The following EPS8L2 variants were observed in gnomAD, a reference collection of about 807,000 sequenced individuals.
EPS8L2 encodes epidermal growth factor receptor kinase substrate 8-like protein 2.
EPS8L2 carries 81 observed loss-of-function variants against 99.4 expected under a neutral mutation model. The observed-to-expected ratio is 0.82, with a 90% CI of 0.68 to 0.98. EPS8L2 has a LOEUF of 0.98. Ranked by LOEUF, EPS8L2 falls within the 50% of genes least tolerant of loss-of-function variation. EPS8L2 has a pLI of 0.00. For synonymous variants in EPS8L2, 509 were observed against 407.3 expected (o/e 1.25, Z -3.01); for missense variants, 1,155 against 968.8 (o/e 1.19, Z -2.55).
intron 16 of EPS8L2, among the ~76,000 whole-genome samples, chr11:725,527 C>T (rs1258351382): frequency 6.6e-6 from 1 of 152,090 alleles, no homozygotes; most frequent in Non-Finnish European, 1.5e-5. Context: ...AAAAAGGGTC[C>T]CCCAGACTCC....
chr11:709,852 G>A lies in EPS8L2; in HGVS notation c.100+244G>A, dbSNP rs532963561. The A allele has an allele frequency of 7.0e-4, 413 of 588,936 alleles. 7 individuals carry two copies. In the South Asian group the frequency reaches 7.5e-3, roughly 11 times the overall value. 36.5% of individuals were successfully genotyped at this position (588,936 alleles called of 1,614,324 possible). A position where few individuals can be genotyped will look rare whatever the true frequency, so the allele number is the denominator to read the frequency against. Reference sequence around the variant, plus strand: ...TTCAGGGAGCATCAATATTGATTCCGCTGCACTCATTGCTGTAACCTGATC... The same window carrying A: ...TTCAGGGAGCATCAATATTGATTCCACTGCACTCATTGCTGTAACCTGATC... On this transcript the variant is annotated intron_variant, in intron 3 of 20. Transcript: ENST00000318562.
chr11:720,592 C>G lies in EPS8L2; in HGVS notation c.328-5C>G. The G allele has an allele frequency of 6.3e-7, 1 of 1,598,016 alleles. No homozygotes were observed. The highest frequency in any genetic ancestry group is 8.5e-7 in the Non-Finnish European group (1 of 1,174,158). On this transcript the variant is annotated splice_region_variant and splice_polypyrimidine_tract_variant and intron_variant, in intron 5 of 20. Coordinates refer to ENST00000318562, the MANE Select transcript of EPS8L2 (RefSeq NM_022772.4). ...GCGAGTCGTGTCCGCGCGATGTACC[C>G]GCAGGAGGAGCTGGAAGACTTCCCG...
Position 720,861 on chromosome 11 carries a change from C to T in EPS8L2, c.509C>T (p.Ala170Val). 6.7e-7 allele frequency: 1 copy of T among 1,495,948 alleles called. No homozygotes were observed. Among genetic ancestry groups the T allele is most frequent in the Non-Finnish European group, 8.9e-7 (1 of 1,118,172 alleles). 92.7% of individuals were successfully genotyped at this position (1,495,948 alleles called of 1,614,324 possible). ...AELVHEDIES[A>V]LADCRLGKKM... Reference sequence around the variant, plus strand: ...CTGGTGCACGAGGACATCGAGAGCGCGTTGGCCGACTGCCGGCTGGGCAAG... The same window carrying T: ...CTGGTGCACGAGGACATCGAGAGCGTGTTGGCCGACTGCCGGCTGGGCAAG... The change falls in exon 7 of 21, where the codon GCG (alanine) becomes GTG (valine). Residue 170 changes from alanine (A) to valine (V), a missense_variant. Ala to Val is a moderately conservative substitution (Grantham distance 64). Transcript: ENST00000318562.
chr11:707,916 C>T (rs1861773058), intron 1 of EPS8L2, among the ~76,000 whole-genome samples: 1 of 152,180 alleles, frequency 6.6e-6, no homozygotes, highest in Admixed American at 6.5e-5. Flanking sequence ...AGCAAACACT[C>T]AGGCTCGCCA....
In EPS8L2 at chr11:722,662, T is replaced by G; in HGVS notation, c.1209-11T>G. 2 of 1,607,668 alleles carry G rather than the reference T, an allele frequency of 1.2e-6. No individual in the cohort carries two copies. The highest frequency in any genetic ancestry group is 1.1e-5 in the South Asian group (1 of 90,402). On this transcript the variant is annotated splice_polypyrimidine_tract_variant and intron_variant, in intron 13 of 20. Transcript: ENST00000318562. ...GAGAGGCAGGGCTGACTTCAGGACC[T>G]CTCACCCCAGTTCCGAGTGGCCGCG...
In EPS8L2 at chr11:721,708, C is replaced by G; in HGVS notation, c.895+17C>G. On this transcript the variant is annotated intron_variant, in intron 10 of 20. Coordinates refer to ENST00000318562, the MANE Select transcript of EPS8L2 (RefSeq NM_022772.4). ...CGCCAGCAGGTGCAGGGGACAGGGA[C>G]GGGGCCGGCAGGTGCAGGGGACGGG... 6.3e-7 allele frequency: 1 copy of G among 1,598,068 alleles called. No homozygotes were observed. The highest frequency in any genetic ancestry group is 1.8e-5 in the Admixed American group (1 of 57,022).
At position 710,741 on chromosome 11, in the gene EPS8L2, C is replaced by CGAAAGAGA. The variant is rs139916138; in HGVS notation, c.165+277_165+284dup. ...GACAGAGCTAGACCCTGTCTCAAAA[C>CGAAAGAGA]GAAAGAGAGAAAGAGAGAAAGAGAG... On this transcript the variant is annotated intron_variant, in intron 4 of 20. Coordinates refer to ENST00000318562, the MANE Select transcript of EPS8L2 (RefSeq NM_022772.4). Among the ~76,000 whole-genome samples, 48 of 151,672 alleles carry CGAAAGAGA rather than the reference C, an allele frequency of 3.2e-4. No homozygotes were observed. In the Middle Eastern group the frequency reaches 0.017, roughly 54 times the overall value.
Position 725,790 on chromosome 11 carries a change from G to A in EPS8L2, c.1623G>A (p.Val541=). The A allele has an allele frequency of 7.3e-7, 1 of 1,376,168 alleles. No individual in the cohort carries two copies. The highest frequency in any genetic ancestry group is 1.5e-5 in the African/African-American group (1 of 66,670). 85.2% of individuals were successfully genotyped at this position (1,376,168 alleles called of 1,614,324 possible). A position where few individuals can be genotyped will look rare whatever the true frequency, so the allele number is the denominator to read the frequency against. ...GCCGCAGCGGCCAGGCGGGGTACGT[G>A]CCCTGCAACATCCTAGGCGAGGCGC... ...LRSRSGQAGY[V]PCNILGEARP... The change falls in exon 17 of 21, where the codon GTG becomes GTA. Residue 541 remains valine, a synonymous_variant. Transcript: ENST00000318562.
chr11:710,742 GAA>G (rs1217957006), intron 4 of EPS8L2, among the ~76,000 whole-genome samples: 3 of 111,468 alleles, frequency 2.7e-5, no homozygotes, highest in Non-Finnish European at 5.2e-5. Flanking sequence ...GTCTCAAAAC[GAA>G]AGAGAGAAAG....
chr11:718,321 A>G (rs943253164), intron 4 of EPS8L2, among the ~76,000 whole-genome samples: 1 of 152,146 alleles, frequency 6.6e-6, no homozygotes, highest in African/African-American at 2.4e-5. Flanking sequence ...GGACAGAGCG[A>G]GACTGTCTCA....
chr11:722,896 CA>C, intron 14 of EPS8L2, 91 bp downstream of exon 14: 1 of 827,030 alleles, frequency 1.2e-6, no homozygotes, highest in East Asian at 2.8e-5. Context: ...CACCCCTCCC[CA>C]GAGCTCCCCC....
Position 706,258 on chromosome 11 carries a change from G to T in EPS8L2, c.-109G>T, listed in dbSNP as rs971623933. ...ACGGACGCACCGGCGAGCGCCGAGG[G>T]GACAGGCCGAGCGCGGGGCGCCGGA... On this transcript the variant is annotated 5_prime_UTR_variant, in exon 1 of 21. Transcript: ENST00000318562. 1 of 151,994 alleles carries T rather than the reference G, an allele frequency of 6.6e-6. No homozygotes were observed. The highest frequency in any genetic ancestry group is 2.4e-5 in the African/African-American group (1 of 41,412). 9.4% of individuals were successfully genotyped at this position (151,994 alleles called of 1,614,324 possible). A position where few individuals can be genotyped will look rare whatever the true frequency, so the allele number is the denominator to read the frequency against.
At chr11:725,899 C>G in intron 17 of EPS8L2, 52 bp downstream of exon 17, 1 of 1,366,028 alleles carries the variant, frequency 7.3e-7, no homozygotes, top group South Asian at 1.7e-5. Flanking sequence ...CTGGAGCAGC[C>G]CCGCCTGCGC....
At position 726,158 on chromosome 11, in the gene EPS8L2, G is replaced by T; in HGVS notation, c.1741G>T (p.Gly581Trp). Residue 581 changes from glycine (G) to tryptophan (W), a missense_variant, in exon 18 of 21, where the codon GGG becomes TGG. Transcript: ENST00000318562. ...CCACAAGCTACCCCCAAGCTTCCCG[G>T]GGAACAAAGACGGTGAGAGCTGCTG... ...PTHKLPPSFP[G>W]NKDELMQHMD... is the part of the protein sequence containing the mutation. 6.2e-7 allele frequency: 1 copy of T among 1,609,418 alleles called. No individual in the cohort carries two copies. The highest frequency in any genetic ancestry group is 1.1e-5 in the South Asian group (1 of 90,804).
rs199749994 is a variant in EPS8L2 at position 723,199 on chromosome 11, C to T, written c.1342-42C>T. On this transcript the variant is annotated intron_variant, in intron 14 of 20. Transcript: ENST00000318562. ...TATGCCCCCTCGTCCTGGGACCCAG[C>T]CCCGCCCCATGTCTAACTCAGGTCG... 4 of 1,100,618 alleles carry T rather than the reference C, an allele frequency of 3.6e-6. No individual in the cohort carries two copies. The Admixed American group carries it at 5.9e-5, about 16-fold the overall frequency. 68.2% of individuals were successfully genotyped at this position (1,100,618 alleles called of 1,614,324 possible).
Position 725,861 on chromosome 11 carries a change from G to C in EPS8L2, c.1680+14G>C. ...CCGTTCGAGCAGGTGAGCCCGCGGG[G>C]GTCCCTGGGGTCGCAGCCCCCAGCT... On this transcript the variant is annotated intron_variant, in intron 17 of 20. Transcript: ENST00000318562. 1 of 1,353,666 alleles carries C rather than the reference G, an allele frequency of 7.4e-7. No homozygotes were observed. The highest frequency in any genetic ancestry group is 2.8e-4 in the Middle Eastern group (1 of 3,544). The allele number at this position is 1,353,666 out of a possible 1,614,324, so 83.9% of individuals were successfully genotyped here. A position where few individuals can be genotyped will look rare whatever the true frequency, so the allele number is the denominator to read the frequency against.
At chr11:722,038 A>C in intron 11 of EPS8L2, 47 bp downstream of exon 11, 1 of 1,601,644 alleles carries the variant, frequency 6.2e-7, no homozygotes, top group South Asian at 1.1e-5. Context: ...TGCTGAGGGG[A>C]GGGTGGAGGC....
Position 726,616 on chromosome 11 carries a change from C to G in EPS8L2, c.1935-3C>G, listed in dbSNP as rs1862334278. 4 of 1,549,524 alleles carry G rather than the reference C, an allele frequency of 2.6e-6. No individual in the cohort carries two copies. The South Asian group carries it at 3.6e-5, about 14-fold the overall frequency. The stretch of plus-strand genomic sequence containing the variant: ...GCCCTGACGCCCAACTGCCCGCCCC[C>G]AGGATCGTGGAGAACCTGGGCATCC... On this transcript the variant is annotated splice_region_variant and splice_polypyrimidine_tract_variant and intron_variant, in intron 19 of 20. Transcript: ENST00000318562.
At position 709,209 on chromosome 11, in the gene EPS8L2, GGGCTCTGCCC is replaced by G. The variant is rs1373780250; in HGVS notation, c.-78-120_-78-111del. 3 of 562,730 alleles carry G rather than the reference GGGCTCTGCCC, an allele frequency of 5.3e-6. No individual in the cohort carries two copies. The African/African-American group carries it at 8.4e-5, about 16-fold the overall frequency. 34.9% of individuals were successfully genotyped at this position (562,730 alleles called of 1,614,324 possible). Reference sequence around the variant, plus strand: ...TGGGGCCAACTGGGATGTCGGGCAGGGGCTCTGCCCCCCAAGGGACCCCCACCCAGGCCAG... The same window carrying G: ...TGGGGCCAACTGGGATGTCGGGCAGGCCCAAGGGACCCCCACCCAGGCCAG... On this transcript the variant is annotated intron_variant, in intron 1 of 20. Transcript: ENST00000318562.
Sources: gnomAD v4.1 joint callset for allele counts (sites outside exome capture counted in the v4.1 genomes callset) on GRCh38, gnomAD v4.1.1 for gene constraint, MANE v1.5 for transcripts, NCBI Gene and HGNC (gene_info 2026-07-23, HGNC 2026-07-21) for gene names.